The following RBFOX1 variants were observed in gnomAD, a reference collection of about 807,000 sequenced individuals.
RBFOX1 encodes the protein RNA binding protein fox-1 homolog 1.
In RBFOX1, 8 loss-of-function variants were observed where a neutral mutation model predicts 57.7. The ratio of observed to expected loss-of-function variants is 0.14; its 90% CI spans 0.08 to 0.25. The LOEUF (loss-of-function observed/expected upper bound fraction) is 0.25, where lower values mean the gene tolerates loss of function less well. RBFOX1 is among the 10% of genes least tolerant of loss of function. The pLI, the probability that RBFOX1 is intolerant of heterozygous loss-of-function variation, is 1.00. For synonymous variants in RBFOX1, 326 were observed against 222.4 expected (o/e 1.47, Z -4.15); for missense variants, 611 against 548.5 (o/e 1.11, Z -1.14).
At chr16:6,693,232 A>C (rs1460288721) in intron 3 of RBFOX1, among the ~76,000 whole-genome samples, 1 of 151,644 alleles carries the variant, frequency 6.6e-6, no homozygotes. Context: ...ATCCTCCTCC[A>C]CTACCATCAC....
chr16:6,144,913 A>T (rs1350745973), intron 1 of RBFOX1, among the ~76,000 whole-genome samples: 1 of 152,166 alleles, frequency 6.6e-6, no homozygotes, highest in Non-Finnish European at 1.5e-5. Flanking sequence ...GTACCTGTGG[A>T]GTCTATTTGT....
chr16:5,689,201 A>G (rs1019875259), intron 3 of RBFOX1, among the ~76,000 whole-genome samples: 1 of 152,206 alleles, frequency 6.6e-6, no homozygotes, highest in Non-Finnish European at 1.5e-5. Context: ...GGTGCTCAGT[A>G]TGGCACTCAT....
intron 4 of RBFOX1, among the ~76,000 whole-genome samples, chr16:5,868,161 C>T (rs1394193300): frequency 2.6e-5 from 4 of 152,154 alleles, no homozygotes; most frequent in Non-Finnish European, 4.4e-5. Flanking sequence ...ATGTAATGGG[C>T]TCCTGCAAAA....
chr16:6,816,786 C>A (rs1471461065), intron 3 of RBFOX1, among the ~76,000 whole-genome samples: 1 of 151,840 alleles, frequency 6.6e-6, no homozygotes, highest in Non-Finnish European at 1.5e-5. Flanking sequence ...GTTCTGTTAC[C>A]CAGGTTGGAC....
chr16:5,944,298 C>T (rs998266396), intron 4 of RBFOX1, among the ~76,000 whole-genome samples: 3 of 152,184 alleles, frequency 2.0e-5, no homozygotes, highest in African/African-American at 7.2e-5. Context: ...GATGAATGGT[C>T]ACCAGGCGGC....
chr16:6,341,533 C>G (rs559025101), intron 2 of RBFOX1, among the ~76,000 whole-genome samples: 2 of 152,192 alleles, frequency 1.3e-5, no homozygotes, highest in South Asian at 4.1e-4. Context: ...ATCTTGAAAA[C>G]AAAAGGATTC....
intron 1 of RBFOX1, among the ~76,000 whole-genome samples, chr16:6,089,243 T>C (rs1049129641): frequency 6.6e-6 from 1 of 152,006 alleles, no homozygotes; most frequent in Non-Finnish European, 1.5e-5. Flanking sequence ...ATTAACTGAG[T>C]AGCAGGATAT....
At chr16:7,561,235 C>T (rs2090272111) in intron 5 of RBFOX1, among the ~76,000 whole-genome samples, 1 of 152,210 alleles carries the variant, frequency 6.6e-6, no homozygotes, top group Non-Finnish European at 1.5e-5. Flanking sequence ...CAAAACACAG[C>T]CACATTCATG....
chr16:5,317,130 C>G (rs1295853259), intron 1 of RBFOX1, among the ~76,000 whole-genome samples: 1 of 152,138 alleles, frequency 6.6e-6, no homozygotes, highest in Non-Finnish European at 1.5e-5. Flanking sequence ...AGCATGTAGA[C>G]AGCCTGTTGT....
chr16:5,698,766 A>G (rs1315463363), intron 3 of RBFOX1, among the ~76,000 whole-genome samples: 3 of 152,198 alleles, frequency 2.0e-5, no homozygotes, highest in Admixed American at 6.5e-5. Context: ...TCATTTGTTT[A>G]TGAAAAGGAA....
At chr16:5,885,481 C>G (rs2057876109) in intron 4 of RBFOX1, among the ~76,000 whole-genome samples, 1 of 152,052 alleles carries the variant, frequency 6.6e-6, no homozygotes, top group African/African-American at 2.4e-5. Context: ...CTTTTGCAAC[C>G]TGTGCTTAGG....
chr16:6,509,280 G>C (rs564925821), intron 2 of RBFOX1, among the ~76,000 whole-genome samples: 2 of 151,990 alleles, frequency 1.3e-5, no homozygotes, highest in Non-Finnish European at 1.5e-5. Context: ...TATATATTCT[G>C]GTTATTAATC....
intron 2 of RBFOX1, among the ~76,000 whole-genome samples, chr16:6,393,096 G>A (rs2092678389): frequency 6.6e-6 from 1 of 152,196 alleles, no homozygotes; most frequent in Non-Finnish European, 1.5e-5. Context: ...TTTGAAATTT[G>A]TGTTTGGGAG....
chr16:6,418,705 T>C (rs2093693889), intron 2 of RBFOX1, among the ~76,000 whole-genome samples: 1 of 151,846 alleles, frequency 6.6e-6, no homozygotes, highest in Admixed American at 6.6e-5. Context: ...GAAGTAAAAT[T>C]TTTATAGAGA....
intron 3 of RBFOX1, among the ~76,000 whole-genome samples, chr16:5,834,994 C>A (rs1490068334): frequency 6.6e-6 from 1 of 152,176 alleles, no homozygotes; most frequent in African/African-American, 2.4e-5. Flanking sequence ...TTTGAGATAT[C>A]ACCTTACCCC....
intron 3 of RBFOX1, among the ~76,000 whole-genome samples, chr16:7,003,431 G>GC (rs763196742): frequency 1.1e-4 from 17 of 150,916 alleles, no homozygotes; most frequent in Non-Finnish European, 2.2e-4. Flanking sequence ...CTGTACTGCA[G>GC]CCTGGTGACA....
intron 3 of RBFOX1, among the ~76,000 whole-genome samples, chr16:7,043,863 C>G (rs994726403): frequency 1.3e-5 from 2 of 152,184 alleles, no homozygotes; most frequent in South Asian, 4.1e-4. Flanking sequence ...TCCACACATC[C>G]TCCTGCCTTT....
chr16:7,294,209 C>G (rs1184586861), intron 4 of RBFOX1, among the ~76,000 whole-genome samples: 2 of 152,084 alleles, frequency 1.3e-5, no homozygotes, highest in Non-Finnish European at 1.5e-5. Context: ...CACCACTTAG[C>G]TGTTTTTGTC....
intron 2 of RBFOX1, among the ~76,000 whole-genome samples, chr16:6,433,071 A>C (rs1567261467): frequency 6.6e-6 from 1 of 152,164 alleles, no homozygotes; most frequent in Non-Finnish European, 1.5e-5. Flanking sequence ...TTGATTTGGG[A>C]ACAGAGAGAA....
Sources: allele counts gnomAD v4.1 joint callset (sites outside exome capture counted in the v4.1 genomes callset), GRCh38; gene constraint gnomAD v4.1.1; transcripts MANE v1.5; gene names NCBI Gene and HGNC (gene_info 2026-07-23, HGNC 2026-07-21).